The following DGKB variants were observed in gnomAD, a reference collection of about 807,000 sequenced individuals.
The protein encoded by DGKB is 90 kDa diacylglycerol kinase.
Under a neutral mutation model 114.3 loss-of-function variants are expected in DGKB, and 67 were observed. That is an observed-to-expected ratio of 0.59 (90% CI 0.48 to 0.72). The LOEUF (loss-of-function observed/expected upper bound fraction) is 0.72. Ranked by LOEUF, DGKB falls within the 30% of genes least tolerant of loss-of-function variation. DGKB has a pLI of 0.00. For missense variants in DGKB, 907 were observed against 975.2 expected, an observed-to-expected ratio of 0.93 and a Z score of 0.93; for synonymous variants, 398 against 323.1, an observed-to-expected ratio of 1.23 and a Z score of -2.49.
At chr7:14,459,248 C>G (rs1832735079) in intron 21 of DGKB, among the ~76,000 whole-genome samples, 1 of 152,058 alleles carries the variant, frequency 6.6e-6, no homozygotes, top group Admixed American at 6.5e-5. Flanking sequence ...AGCAGAGCAC[C>G]CGGGGGAAGG....
intron 21 of DGKB, among the ~76,000 whole-genome samples, chr7:14,412,673 T>A (rs935389179): frequency 3.3e-5 from 5 of 151,960 alleles, no homozygotes; most frequent in African/African-American, 1.2e-4. Context: ...AACTATAGAC[T>A]GAGGGAGAGC....
At chr7:14,278,527 A>G (rs775793932) in intron 23 of DGKB, among the ~76,000 whole-genome samples, 2 of 152,168 alleles carry the variant, frequency 1.3e-5, no homozygotes, top group African/African-American at 2.4e-5. Context: ...AAGACCTAAA[A>G]CTATACGACT....
chr7:14,516,534 C>A (rs894844131), intron 20 of DGKB, among the ~76,000 whole-genome samples: 2 of 152,152 alleles, frequency 1.3e-5, no homozygotes, highest in African/African-American at 4.8e-5. Context: ...AGAGCCCATC[C>A]TCTCTCAAGG....
intron 23 of DGKB, among the ~76,000 whole-genome samples, chr7:14,199,349 A>C (rs1000801356): frequency 1.3e-5 from 2 of 152,058 alleles, no homozygotes; most frequent in African/African-American, 4.8e-5. Flanking sequence ...AAAGGAATAG[A>C]AAAACAAAAG....
intron 25 of DGKB, among the ~76,000 whole-genome samples, chr7:14,170,157 GAAAGAA>G (rs1562523473): frequency 0.018 from 1,609 of 87,248 alleles, 112 homozygotes; most frequent in African/African-American, 0.12. Flanking sequence ...AAGAAAGAAA[GAAAGAA>G]AGAAAGAAAG....
chr7:14,695,624 C>T (rs562484291), intron 8 of DGKB, among the ~76,000 whole-genome samples: 1 of 151,096 alleles, frequency 6.6e-6, no homozygotes, highest in East Asian at 2.0e-4. Flanking sequence ...CTCAGCCTCC[C>T]GAGTAGCTGG....
intron 3 of DGKB, among the ~76,000 whole-genome samples, chr7:14,754,227 G>GC (rs905868018): frequency 6.6e-6 from 1 of 152,010 alleles, no homozygotes; most frequent in Admixed American, 6.6e-5. Flanking sequence ...GTTTTGACAA[G>GC]CCCCCCGGTT....
rs1789939500 is a variant in DGKB at position 14,522,429 on chromosome 7, G to A, written c.1771-44204C>T. On this transcript the variant is annotated intron_variant, in intron 20 of 25. Transcript: ENST00000402815. ...CTGTCAAATCCTTGGCTAGTCCACT[G>A]ATGCACTGAATGCACCATATAAATG... Among the ~76,000 whole-genome samples the A allele has an allele frequency of 2.6e-5, 4 of 152,224 alleles. No individual in the cohort carries two copies. The South Asian group carries it at 8.3e-4, about 32-fold the overall frequency.
rs574365277 is a variant in DGKB at position 14,829,793 on chromosome 7, C to G, written c.70+11401G>C. Among the ~76,000 whole-genome samples, 9 of 152,184 alleles carry G rather than the reference C, an allele frequency of 5.9e-5. No individual in the cohort carries two copies. In the East Asian group the frequency reaches 1.4e-3, roughly 23 times the overall value. ...CCTTCAAGATGCCTTCACTAGAAAG[C>G]AGCTTTGGAAAAGACAAAACATATT... On this transcript the variant is annotated intron_variant, in intron 2 of 25. Transcript: ENST00000402815.
At chr7:14,757,322 A>G (rs1835024225) in intron 3 of DGKB, among the ~76,000 whole-genome samples, 1 of 152,106 alleles carries the variant, frequency 6.6e-6, no homozygotes, top group South Asian at 2.1e-4. Context: ...AACCAACGCT[A>G]CACTTAAATG....
rs141819909 is a variant in DGKB at position 14,949,885 on chromosome 7, A to T, written c.-188+24811T>A. ...CCAAACACTGCATGTTCTCACTCAT[A>T]GGTTGGAATTGAACAATGAGAACAT... On this transcript the variant is annotated intron_variant, in intron 1 of 4. Coordinates refer to the DGKB transcript ENST00000437998. 7.7e-3 allele frequency among the ~76,000 whole-genome samples: 1,151 copies of T among 149,400 alleles called. 19 individuals are homozygous for T. Among genetic ancestry groups the T allele is most frequent in the African/African-American group, 0.026 (1,062 of 41,028 alleles).
chr7:14,463,801 G>A (rs1833431969), intron 21 of DGKB, among the ~76,000 whole-genome samples: 1 of 152,156 alleles, frequency 6.6e-6, no homozygotes, highest in African/African-American at 2.4e-5. Flanking sequence ...CTAAGATTGT[G>A]TGTGGATTAA....
At chr7:14,486,746 A>G (rs751345470) in intron 20 of DGKB, among the ~76,000 whole-genome samples, 3 of 152,234 alleles carry the variant, frequency 2.0e-5, no homozygotes, top group Non-Finnish European at 4.4e-5. Context: ...TTGAGATTCA[A>G]TGCTTATGGT....
At chr7:14,789,834 G>A (rs1044250979) in intron 2 of DGKB, among the ~76,000 whole-genome samples, 1 of 152,110 alleles carries the variant, frequency 6.6e-6, no homozygotes, top group Non-Finnish European at 1.5e-5. Context: ...TTATATAGTA[G>A]TGCCATGTTT....
chr7:14,505,896 C>A (rs1053182304), intron 20 of DGKB, among the ~76,000 whole-genome samples: 17 of 152,104 alleles, frequency 1.1e-4, no homozygotes, highest in African/African-American at 4.1e-4. Context: ...GGCAGGGCAA[C>A]ATTCTTCCAT....
chr7:14,528,864 G>C (rs1473561352), intron 20 of DGKB, among the ~76,000 whole-genome samples: 1 of 151,942 alleles, frequency 6.6e-6, no homozygotes, highest in Non-Finnish European at 1.5e-5. Flanking sequence ...AAATTCCGTT[G>C]CATATTTCTT....
At chr7:14,739,259 T>C (rs530582810) in intron 4 of DGKB, among the ~76,000 whole-genome samples, 2 of 152,320 alleles carry the variant, frequency 1.3e-5, no homozygotes, top group East Asian at 3.9e-4. Flanking sequence ...GAGGCCTGTC[T>C]AAACACGCCC....
At chr7:14,178,793 C>A (rs1481946047) in intron 23 of DGKB, among the ~76,000 whole-genome samples, 1 of 151,502 alleles carries the variant, frequency 6.6e-6, no homozygotes, top group Non-Finnish European at 1.5e-5. Flanking sequence ...ATAATTAGTC[C>A]CATGCAATCA....
At chr7:14,254,989 T>C (rs1795754192) in intron 23 of DGKB, among the ~76,000 whole-genome samples, 2 of 152,132 alleles carry the variant, frequency 1.3e-5, no homozygotes, top group African/African-American at 4.8e-5. Flanking sequence ...AAGGCACCAG[T>C]AGAAGTTGGA....
Sources: allele counts gnomAD v4.1 joint callset (sites outside exome capture counted in the v4.1 genomes callset), GRCh38; gene constraint gnomAD v4.1.1; transcripts MANE v1.5; gene names NCBI Gene and HGNC (gene_info 2026-07-23, HGNC 2026-07-21).